SPTBN1: variants seen among roughly 807,000 people sequenced by gnomAD.
SPTBN1 encodes spectrin beta chain, non-erythrocytic 1.
SPTBN1 carries 32 observed loss-of-function variants against 266.4 expected under a neutral mutation model. The ratio of observed to expected loss-of-function variants is 0.12; its 90% CI spans 0.09 to 0.16. SPTBN1 has a LOEUF of 0.16. Ranked by LOEUF, SPTBN1 falls within the 10% of genes least tolerant of loss-of-function variation. The pLI, the probability that SPTBN1 is intolerant of heterozygous loss-of-function variation, is 1.00. For missense variants in SPTBN1, 2,296 were observed against 3,067.1 expected (o/e 0.75, Z 5.94); for synonymous variants, 1,336 against 1,162.2 (o/e 1.15, Z -3.04).
chr2:54,600,714 A>ATTTT (rs374090607), intron 3 of SPTBN1, among the ~76,000 whole-genome samples: 5 of 126,918 alleles, frequency 3.9e-5, no homozygotes, highest in Admixed American at 1.6e-4. Context: ...TTATTTATTG[A>ATTTT]TTTTTTTTTT....
rs369315226 is a variant in SPTBN1 at position 54,628,963 on chromosome 2, G to A, written c.1829G>A (p.Arg610Gln). 181 of 1,610,056 alleles carry A rather than the reference G, an allele frequency of 1.1e-4. No individual in the cohort carries two copies. Among genetic ancestry groups the A allele is most frequent in the Non-Finnish European group, 1.4e-4 (166 of 1,177,978 alleles). Residue 610 changes from arginine to glutamine, a missense_variant, in exon 14 of 36, where the codon CGA becomes CAA. Physicochemically the swap from Arg to Gln is conservative, Grantham distance 43. Coordinates refer to ENST00000356805, the MANE Select transcript of SPTBN1 (RefSeq NM_003128.3). This position sits in a 1 kb window ranked among gnomAD's most constrained non-coding sequence, Gnocchi z 4.3. ...AAGCCCTGTGACCCCCAGGTGATCC[G>A]AGACCGCGTGGCCCACATGGAGTTC... ...GYKPCDPQVI[R>Q]DRVAHMEFCY...
rs527249241 is a variant in SPTBN1 at position 54,653,887 on chromosome 2, T to C, written c.5822+34T>C. 24 of 1,595,206 alleles carry C rather than the reference T, an allele frequency of 1.5e-5. No individual in the cohort carries two copies. The highest frequency in any genetic ancestry group is 1.7e-4 in the Middle Eastern group (1 of 5,970). ...TTCAGCCCAAAGGAAATTGGACTTA[T>C]TGGCGCTTGGTTAAAACACAGGAGT... On this transcript the variant is annotated intron_variant, in intron 27 of 35. Transcript: ENST00000356805. This position sits in a 1 kb window ranked among gnomAD's most constrained non-coding sequence, Gnocchi z 5.1.
intron 1 of SPTBN1, among the ~76,000 whole-genome samples, chr2:54,458,995 T>C (rs149063054): frequency 2.0e-5 from 3 of 152,128 alleles, no homozygotes; most frequent in African/African-American, 4.8e-5. Context: ...ATATGAGACT[T>C]TTTGTGCTGG....
intron 2 of SPTBN1, among the ~76,000 whole-genome samples, chr2:54,555,167 C>A (rs998748365): frequency 2.0e-5 from 3 of 152,176 alleles, no homozygotes; most frequent in Non-Finnish European, 2.9e-5. Context: ...AAACCCAGGC[C>A]TTCCCCAGGG....
At chr2:54,589,748 A>G (rs920075316) in intron 2 of SPTBN1, among the ~76,000 whole-genome samples, 1 of 152,114 alleles carries the variant, frequency 6.6e-6, no homozygotes, top group African/African-American at 2.4e-5. Context: ...TAACAGTTGG[A>G]TTCTCTGTTA....
chr2:54,485,346 A>C (rs951750212), intron 1 of SPTBN1, among the ~76,000 whole-genome samples: 1 of 152,068 alleles, frequency 6.6e-6, no homozygotes, highest in African/African-American at 2.4e-5. Flanking sequence ...ACGCGCCGCC[A>C]CGCCTGACTG....
rs183489602 is a variant in SPTBN1, at chr2:54,609,945, T to G, written c.301-2216T>G. On this transcript the variant is annotated intron_variant, in intron 3 of 35. Transcript: ENST00000356805. ...TCCTGATTATAAACCCAGCTGCATT[T>G]GCACAGAACAGTAGAGTTAGCCTAT... Among the ~76,000 whole-genome samples, 105 of 151,772 alleles carry G rather than the reference T, an allele frequency of 6.9e-4. No homozygotes were observed. The Middle Eastern group carries it at 0.01, about 15-fold the overall frequency.
intron 2 of SPTBN1, among the ~76,000 whole-genome samples, chr2:54,541,382 T>C (rs371812561): frequency 6.6e-6 from 1 of 152,212 alleles, no homozygotes; most frequent in East Asian, 1.9e-4. Flanking sequence ...TTGTAAATAA[T>C]GTAGAGGCAT....
chr2:54,485,371 T>C (rs1668306251), intron 1 of SPTBN1, among the ~76,000 whole-genome samples: 2 of 152,340 alleles, frequency 1.3e-5, no homozygotes, highest in Middle Eastern at 3.4e-3. Flanking sequence ...TCGTATTTTT[T>C]TGGTGGAGAC....
rs1314841787 is a variant in SPTBN1, at chr2:54,658,173, GATC to G, written c.6243+131_6243+133del. The G allele has an allele frequency of 1.6e-5, 19 of 1,218,426 alleles. 1 individual carries two copies. The highest frequency in any genetic ancestry group is 1.4e-4 in the Admixed American group (6 of 43,934). 75.5% of individuals were successfully genotyped at this position (1,218,426 alleles called of 1,614,324 possible). A position where few individuals can be genotyped will look rare whatever the true frequency, so the allele number is the denominator to read the frequency against. ...TTTTGGGTTTTTTTCAAGTAGTGAA[GATC>G]ATCTTAAAATGGGTGGCTCCTGTGG... On this transcript the variant is annotated intron_variant, in intron 30 of 35. Transcript: ENST00000356805.
intron 1 of SPTBN1, among the ~76,000 whole-genome samples, chr2:54,523,315 GTC>G (rs1435757138): frequency 6.6e-6 from 1 of 152,214 alleles, no homozygotes; most frequent in Non-Finnish European, 1.5e-5. Context: ...GATTGAGTAT[GTC>G]TCTCTGATGA....
chr2:54,650,956 A>T (rs75527330), intron 26 of SPTBN1, among the ~76,000 whole-genome samples: 2,112 of 152,266 alleles, frequency 0.014, 50 homozygotes, highest in African/African-American at 0.047. Flanking sequence ...GTTCTCTCTC[A>T]CTTCCCCTTA....
chr2:54,671,083 A>G lies in SPTBN1; in HGVS notation c.*2514A>G, dbSNP rs953799286. The G allele has an allele frequency of 3.7e-5, 12 of 328,084 alleles. No individual in the cohort carries two copies. The highest frequency in any genetic ancestry group is 6.6e-5 in the Non-Finnish European group (12 of 182,284). 20.3% of individuals were successfully genotyped at this position (328,084 alleles called of 1,614,324 possible). ...TATGGGTGACAATACTGGCCCCTCC[A>G]TAAATCTGAAGAGTAAGAAGTAGTG... is the stretch of plus-strand genomic sequence containing the variant. On this transcript the variant is annotated 3_prime_UTR_variant, in exon 36 of 36. Transcript: ENST00000356805.
chr2:54,668,288 G>A (rs946109410), intron 35 of SPTBN1, 63 bp from the exon 36 acceptor site: 7 of 1,546,004 alleles, frequency 4.5e-6, no homozygotes, highest in Non-Finnish European at 6.2e-6. Flanking sequence ...CCCAAGCCTT[G>A]GAGCCAGAAC....
chr2:54,520,728 AC>A (rs1409836506), intron 1 of SPTBN1, among the ~76,000 whole-genome samples: 1 of 140,672 alleles, frequency 7.1e-6, no homozygotes. Context: ...TCTTTTTGAA[AC>A]CTAGTCACAA....
chr2:54,568,694 A>T (rs982584868), intron 2 of SPTBN1, among the ~76,000 whole-genome samples: 4 of 152,178 alleles, frequency 2.6e-5, no homozygotes, highest in East Asian at 1.9e-4. Flanking sequence ...GTTTCTTTTC[A>T]TATTTACCCA....
At chr2:54,602,018 G>C (rs944331021) in intron 3 of SPTBN1, among the ~76,000 whole-genome samples, 10 of 152,204 alleles carry the variant, frequency 6.6e-5, no homozygotes, top group Admixed American at 2.0e-4. Flanking sequence ...TATGATCTGT[G>C]TCCAGAAGTG....
At chr2:54,553,510 C>A (rs969615590) in intron 2 of SPTBN1, among the ~76,000 whole-genome samples, 1 of 152,146 alleles carries the variant, frequency 6.6e-6, no homozygotes, top group Non-Finnish European at 1.5e-5. Flanking sequence ...TTTTGGTTTC[C>A]TGTAAAGAAA....
chr2:54,502,728 G>C (rs1012179081), intron 1 of SPTBN1, among the ~76,000 whole-genome samples: 1 of 152,194 alleles, frequency 6.6e-6, no homozygotes. Flanking sequence ...AGAATGGACA[G>C]TGAAAGCAAG....
Sources: gnomAD v4.1 joint callset for allele counts (sites outside exome capture counted in the v4.1 genomes callset) on GRCh38, gnomAD v4.1.1 for gene constraint, Gnocchi (gnomAD v3.1) non-coding constraint, MANE v1.5 for transcripts, NCBI Gene and HGNC (gene_info 2026-07-23, HGNC 2026-07-21) for gene names.